Variants in LRRTM4 observed in about 807,000 individuals in gnomAD.
LRRTM4 encodes the protein leucine rich repeat transmembrane neuronal 4.
A neutral mutation model predicts 47.6 loss-of-function variants in LRRTM4; 25 were observed. The ratio of observed to expected loss-of-function variants is 0.53; its 90% CI spans 0.38 to 0.73. LRRTM4 has a LOEUF of 0.73. LRRTM4 is among the 30% of genes least tolerant of loss of function. LRRTM4 has a pLI of 0.00. For missense variants in LRRTM4, 638 were observed against 713.4 expected (o/e 0.89, Z 1.20); for synonymous variants, 311 against 269.5 (o/e 1.15, Z -1.51).
At chr2:77,517,905 T>C (rs1049629921) in intron 3 of LRRTM4, 2 of 990,254 alleles carry the variant, frequency 2.0e-6, no homozygotes, top group Admixed American at 6.1e-5. Context: ...TCTGGAATTT[T>C]GGTAAACTCA....
chr2:77,193,780 G>GA (rs1166140883), intron 3 of LRRTM4, among the ~76,000 whole-genome samples: 1 of 151,828 alleles, frequency 6.6e-6, no homozygotes, highest in Non-Finnish European at 1.5e-5. Context: ...TCCATCTCAG[G>GA]AAAAAAATAT....
At chr2:76,960,516 CAG>C (rs534276882) in intron 3 of LRRTM4, among the ~76,000 whole-genome samples, 195 of 151,612 alleles carry the variant, frequency 1.3e-3, no homozygotes, top group Middle Eastern at 3.4e-3. Context: ...TTTGAAAAAA[CAG>C]AAACTGTGAG....
intron 3 of LRRTM4, among the ~76,000 whole-genome samples, chr2:76,793,507 G>C (rs1207602561): frequency 6.6e-6 from 1 of 151,922 alleles, no homozygotes; most frequent in Non-Finnish European, 1.5e-5. Flanking sequence ...TTAATTATTT[G>C]TGGACAATAT....
chr2:77,161,482 T>C (rs945267855), intron 3 of LRRTM4, among the ~76,000 whole-genome samples: 1 of 152,180 alleles, frequency 6.6e-6, no homozygotes, highest in Admixed American at 6.5e-5. Flanking sequence ...CTCTTCTTTA[T>C]AGTGATACTT....
chr2:76,793,848 C>G (rs982741076), intron 3 of LRRTM4, among the ~76,000 whole-genome samples: 2 of 152,058 alleles, frequency 1.3e-5, no homozygotes, highest in African/African-American at 4.8e-5. Context: ...TGCTGTAAGC[C>G]TGTAAGAAGG....
chr2:77,123,505 A>C (rs775270205), intron 3 of LRRTM4, among the ~76,000 whole-genome samples: 2 of 152,112 alleles, frequency 1.3e-5, no homozygotes, highest in Non-Finnish European at 2.9e-5. Context: ...TGCAAATAAC[A>C]GTGATGTTAA....
intron 3 of LRRTM4, among the ~76,000 whole-genome samples, chr2:76,779,831 T>C (rs925780098): frequency 6.6e-6 from 1 of 152,202 alleles, no homozygotes; most frequent in Non-Finnish European, 1.5e-5. Context: ...TTTTGCTCGT[T>C]AGTTGATGCA....
In LRRTM4 at chr2:77,519,370, T is replaced by C; in HGVS notation, c.499A>G (p.Asn167Asp). Reference protein sequence around the residue: ...RKLIILHLRSNSLKTVPIRVF... With the variant: ...RKLIILHLRSDSLKTVPIRVF... Reference sequence around the variant, plus strand: ...CTTATGGGCACAGTCTTTAGTGAGTTAGATCTCAAGTGCAAAATGATGAGT... The same window carrying C: ...CTTATGGGCACAGTCTTTAGTGAGTCAGATCTCAAGTGCAAAATGATGAGT... The change falls in exon 3 of 4, where the codon AAC (asparagine) becomes GAC (aspartate). Residue 167 changes from asparagine to aspartate, a missense_variant. Transcript: ENST00000409884. This position sits in a 1 kb window ranked among gnomAD's most constrained non-coding sequence, Gnocchi z 4.6. The C allele has an allele frequency of 6.2e-7, 1 of 1,613,408 alleles. No homozygotes were observed. The highest frequency in any genetic ancestry group is 8.5e-7 in the Non-Finnish European group (1 of 1,179,594).
intron 3 of LRRTM4, among the ~76,000 whole-genome samples, chr2:77,059,755 G>A (rs1049232376): frequency 2.0e-5 from 3 of 152,148 alleles, no homozygotes; most frequent in Admixed American, 2.0e-4. Flanking sequence ...ACTTTTGGGA[G>A]GAGTGAAAAG....
chr2:76,974,139 T>TATATATACAC (rs1460673453), intron 3 of LRRTM4, among the ~76,000 whole-genome samples: 9 of 133,292 alleles, frequency 6.8e-5, no homozygotes, highest in African/African-American at 2.5e-4. Context: ...CTCATATATA[T>TATATATACAC]ACATATATAT....
Position 77,354,008 on chromosome 2 carries a change from C to G in LRRTM4, c.1551+164310G>C, listed in dbSNP as rs368773413. Among the ~76,000 whole-genome samples the G allele has an allele frequency of 4.8e-4, 73 of 152,286 alleles. 1 individual carries two copies. The South Asian group carries it at 0.015, about 31-fold the overall frequency. ...TGAGAGTAGCAACTCAGAGGCAGTT[C>G]TGTAGTCATATTTATACCCACTTTT... On this transcript the variant is annotated intron_variant, in intron 3 of 3. Transcript: ENST00000409884.
rs550897737 is a variant in LRRTM4, at chr2:76,984,419, A to G, written c.1552-235503T>C. ...AGAATGAACAACAAAAACAGCAGATACTGTTGCATGTTTTAGTTGTTCTAC... is the reference window on the plus strand; with the variant it reads ...AGAATGAACAACAAAAACAGCAGATGCTGTTGCATGTTTTAGTTGTTCTAC... On this transcript the variant is annotated intron_variant, in intron 3 of 3. Transcript: ENST00000409884. Among the ~76,000 whole-genome samples, 13 of 152,136 alleles carry G rather than the reference A, an allele frequency of 8.5e-5. No homozygotes were observed. In the South Asian group the frequency reaches 2.7e-3, roughly 32 times the overall value.
chr2:76,795,551 A>G (rs939740335), intron 3 of LRRTM4, among the ~76,000 whole-genome samples: 16 of 150,402 alleles, frequency 1.1e-4, no homozygotes, highest in African/African-American at 3.9e-4. Flanking sequence ...ATATACATGT[A>G]TATGCATATA....
chr2:76,836,149 T>C (rs1216252497), intron 3 of LRRTM4, among the ~76,000 whole-genome samples: 2 of 74,232 alleles, frequency 2.7e-5, no homozygotes, highest in African/African-American at 5.1e-5. Flanking sequence ...CAAGATATTA[T>C]AGTATGCGGT....
intron 3 of LRRTM4, among the ~76,000 whole-genome samples, chr2:76,989,582 T>C (rs1244040253): frequency 6.6e-6 from 1 of 151,840 alleles, no homozygotes; most frequent in Non-Finnish European, 1.5e-5. Context: ...GGAGCAATCT[T>C]TCCCTGTCTT....
intron 3 of LRRTM4, among the ~76,000 whole-genome samples, chr2:76,996,518 C>G (rs1422965862): frequency 6.6e-6 from 1 of 150,728 alleles, no homozygotes; most frequent in Non-Finnish European, 1.5e-5. Flanking sequence ...TGTATAAGAT[C>G]AAGTAAAATT....
intron 3 of LRRTM4, among the ~76,000 whole-genome samples, chr2:77,433,127 A>G (rs1392054173): frequency 1.3e-5 from 2 of 152,202 alleles, no homozygotes; most frequent in African/African-American, 2.4e-5. Context: ...AAGAAATAGT[A>G]CATGTGGATC....
At chr2:77,136,515 A>G (rs1030709453) in intron 3 of LRRTM4, among the ~76,000 whole-genome samples, 2 of 152,176 alleles carry the variant, frequency 1.3e-5, no homozygotes, top group Non-Finnish European at 2.9e-5. Context: ...GTAAAACCAA[A>G]AAGATGGGGA....
chr2:77,256,910 T>C (rs1021762862), intron 3 of LRRTM4, among the ~76,000 whole-genome samples: 5 of 152,008 alleles, frequency 3.3e-5, no homozygotes, highest in African/African-American at 1.2e-4. Context: ...CAAAAACCCT[T>C]AACAAGTAAT....
Sources: allele counts gnomAD v4.1 joint callset (sites outside exome capture counted in the v4.1 genomes callset), GRCh38; gene constraint gnomAD v4.1.1; non-coding constraint Gnocchi (gnomAD v3.1); transcripts MANE v1.5; gene names NCBI Gene and HGNC (gene_info 2026-07-23, HGNC 2026-07-21).